The following CALN1 variants were observed in gnomAD, a reference collection of about 807,000 sequenced individuals.
CALN1 encodes calcium-binding protein 8.
Under a neutral mutation model 30.6 loss-of-function variants are expected in CALN1, and 17 were observed. The observed-to-expected ratio is 0.56, with a 90% confidence interval of 0.38 to 0.83. The LOEUF (loss-of-function observed/expected upper bound fraction) is 0.83. Ranked by LOEUF, CALN1 falls within the 40% of genes least tolerant of loss-of-function variation. The pLI is 0.00. For synonymous variants in CALN1, 156 were observed against 131.4 expected (o/e 1.19, Z -1.28); for missense variants, 291 against 354.9 (o/e 0.82, Z 1.45).
rs750028386 is a variant in CALN1, at chr7:72,278,690, G to A, written c.240C>T (p.Leu80=). The change falls in exon 3 of 7, where the codon CTC becomes CTT. Residue 80 remains leucine, a synonymous_variant. Coordinates refer to ENST00000395275, the MANE Select transcript of CALN1 (RefSeq NM_031468.4). ...EQLANISVEE[L]DEIREAFRVL... is the part of the protein sequence containing the mutation. ...CAAACAGGGTAGGCTCCTTACCATC[G>A]AGCTCCTCCACGGAGATATTAGCCA... is the stretch of plus-strand genomic sequence containing the variant. 1.2e-5 allele frequency: 20 copies of A among 1,612,324 alleles called. No homozygotes were observed. The East Asian group carries it at 1.6e-4, about 13-fold the overall frequency.
At chr7:72,184,139 TCAC>T in intron 3 of CALN1, among the ~76,000 whole-genome samples, 1 of 152,316 alleles carries the variant, frequency 6.6e-6, no homozygotes, top group South Asian at 2.1e-4. Context: ...AACTCTTACT[TCAC>T]TGGGATGACC....
intron 2 of CALN1, among the ~76,000 whole-genome samples, chr7:72,369,516 C>A (rs1804094614): frequency 6.6e-6 from 1 of 151,678 alleles, no homozygotes; most frequent in African/African-American, 2.4e-5. Flanking sequence ...CATGCACCAC[C>A]ACAACTGGCT....
At chr7:72,267,832 C>T (rs1796695897) in intron 3 of CALN1, among the ~76,000 whole-genome samples, 1 of 152,016 alleles carries the variant, frequency 6.6e-6, no homozygotes, top group Admixed American at 6.5e-5. Flanking sequence ...CACAGCAAGA[C>T]CTCGTCTTTG....
intron 2 of CALN1, among the ~76,000 whole-genome samples, chr7:72,284,315 T>C (rs533098144): frequency 6.6e-6 from 1 of 152,138 alleles, no homozygotes; most frequent in African/African-American, 2.4e-5. Flanking sequence ...ATTAAATAAA[T>C]AAACTAAAGA....
intron 3 of CALN1, among the ~76,000 whole-genome samples, chr7:72,184,389 T>A (rs73355372): frequency 0.012 from 1,816 of 152,316 alleles, 31 homozygotes; most frequent in African/African-American, 0.04. Flanking sequence ...TCTCATGTTG[T>A]AAGCATTCTA....
intron 2 of CALN1, among the ~76,000 whole-genome samples, chr7:72,312,819 G>A (rs1346302830): frequency 6.8e-6 from 1 of 147,728 alleles, no homozygotes; most frequent in Non-Finnish European, 1.5e-5. Context: ...GAGAATAAGG[G>A]AACATTTGCC....
chr7:72,027,920 G>C (rs190772404), intron 4 of CALN1, among the ~76,000 whole-genome samples: 1 of 151,642 alleles, frequency 6.6e-6, no homozygotes, highest in African/African-American at 2.4e-5. Flanking sequence ...TTAGCCGGGC[G>C]TGGTGGCGGG....
chr7:72,439,082 G>A (rs1342405620), intron 1 of CALN1, among the ~76,000 whole-genome samples: 1 of 152,102 alleles, frequency 6.6e-6, no homozygotes, highest in Non-Finnish European at 1.5e-5. Context: ...TGTTGCTAAG[G>A]CTGGAGTGCA....
chr7:72,112,726 CA>C (rs1338314102), intron 3 of CALN1, among the ~76,000 whole-genome samples: 1 of 152,146 alleles, frequency 6.6e-6, no homozygotes, highest in Non-Finnish European at 1.5e-5. Context: ...ACTTATATGT[CA>C]GGGGCTGTGC....
chr7:72,374,168 T>C (rs1013219456), intron 2 of CALN1, among the ~76,000 whole-genome samples: 5 of 152,104 alleles, frequency 3.3e-5, no homozygotes, highest in African/African-American at 4.8e-5. Flanking sequence ...CCTGAAACCT[T>C]GGGGAATGAA....
chr7:71,827,478 CA>C (rs1308695418), intron 5 of CALN1, among the ~76,000 whole-genome samples: 1 of 152,032 alleles, frequency 6.6e-6, no homozygotes, highest in African/African-American at 2.4e-5. Flanking sequence ...AGATAAGAAA[CA>C]AAAGAGTGAG....
At chr7:72,051,002 AAATAAATAAAT>A (rs1195545853) in intron 4 of CALN1, among the ~76,000 whole-genome samples, 1 of 82,800 alleles carries the variant, frequency 1.2e-5, no homozygotes, top group Non-Finnish European at 2.8e-5. Context: ...CACAATAAAT[AAATAAATAAAT>A]AAATAAATAA....
At chr7:72,270,696 G>C (rs1439701885) in intron 3 of CALN1, among the ~76,000 whole-genome samples, 1 of 152,174 alleles carries the variant, frequency 6.6e-6, no homozygotes, top group Non-Finnish European at 1.5e-5. Flanking sequence ...CATCGCTTGA[G>C]ATCAGGAGGT....
intron 3 of CALN1, among the ~76,000 whole-genome samples, chr7:72,191,971 G>A (rs1405149358): frequency 6.6e-6 from 1 of 152,048 alleles, no homozygotes; most frequent in Non-Finnish European, 1.5e-5. Context: ...AAACTTCGAT[G>A]GCGATTACCT....
chr7:72,163,456 A>AC (rs1788287876), intron 3 of CALN1, among the ~76,000 whole-genome samples: 1 of 151,758 alleles, frequency 6.6e-6, no homozygotes, highest in Non-Finnish European at 1.5e-5. Context: ...ATAGAAACAG[A>AC]CCCCAAGATG....
intron 5 of CALN1, among the ~76,000 whole-genome samples, chr7:71,832,895 C>T (rs911045258): frequency 6.6e-6 from 1 of 152,066 alleles, no homozygotes; most frequent in Non-Finnish European, 1.5e-5. Flanking sequence ...CGTGAGCCGC[C>T]ATGCTCGCCC....
At chr7:72,444,387 C>T (rs751917174) in intron 1 of CALN1, among the ~76,000 whole-genome samples, 70 of 152,128 alleles carry the variant, frequency 4.6e-4, no homozygotes, top group Non-Finnish European at 5.3e-4. Context: ...ATTACAGTCA[C>T]GAGGCTCTTT....
intron 4 of CALN1, among the ~76,000 whole-genome samples, chr7:72,063,607 T>C (rs1029768385): frequency 2.6e-5 from 4 of 152,174 alleles, no homozygotes; most frequent in African/African-American, 7.2e-5. Context: ...AATCATTCCA[T>C]GTACTGGCAG....
At chr7:72,387,156 T>C (rs1170724760) in intron 2 of CALN1, among the ~76,000 whole-genome samples, 2 of 137,680 alleles carry the variant, frequency 1.5e-5, no homozygotes, top group Non-Finnish European at 3.1e-5. Context: ...TATCCATAAG[T>C]CCATACTTAT....
Sources: allele counts gnomAD v4.1 joint callset (sites outside exome capture counted in the v4.1 genomes callset), GRCh38; gene constraint gnomAD v4.1.1; transcripts MANE v1.5; gene names NCBI Gene and HGNC (gene_info 2026-07-23, HGNC 2026-07-21).